Variants in SACS observed in about 807,000 individuals in gnomAD.
SACS encodes the protein sacsin molecular chaperone.
In SACS, 197 loss-of-function variants were observed where a neutral mutation model predicts 348.0. The ratio of observed to expected loss-of-function variants is 0.57; its 90% CI spans 0.50 to 0.64. The LOEUF is 0.64. Among genes scored for constraint, SACS ranks in the 30% least tolerant of loss-of-function variants. SACS has a pLI of 0.00. For missense variants in SACS, 4,999 were observed against 5,360.8 expected (o/e 0.93, Z 2.11); for synonymous variants, 1,985 against 1,910.6 (o/e 1.04, Z -1.02).
chr13:23,344,724 CAG>C (rs1417844081), intron 9 of SACS, among the ~76,000 whole-genome samples: 5 of 152,270 alleles, frequency 3.3e-5, no homozygotes, highest in African/African-American at 9.6e-5. Context: ...AGCACTGTCT[CAG>C]AGGTTAGCTA....
At position 23,409,040 on chromosome 13, in the gene SACS, C is replaced by CTTTTTTTT. The variant is rs1175897856; in HGVS notation, c.20+2172_20+2179dup. ...TATGGTCTTAATAAAACAAGTTTTA[C>CTTTTTTTT]TTTTTTTTTTTTTTTTTTTTTTTTT... On this transcript the variant is annotated intron_variant, in intron 2 of 9. Transcript: ENST00000382292. Among the ~76,000 whole-genome samples the CTTTTTTTT allele has an allele frequency of 4.3e-4, 15 of 35,148 alleles. 4 individuals are homozygous for CTTTTTTTT. Among genetic ancestry groups the CTTTTTTTT allele is most frequent in the Non-Finnish European group, 5.9e-4 (12 of 20,388 alleles). The allele number at this position is 35,148 out of a possible 152,430, so 23.1% of individuals were successfully genotyped here.
Position 23,338,703 on chromosome 13 carries a change from T to C in SACS, c.5173A>G (p.Asn1725Asp), listed in dbSNP as rs1381667198. The C allele has an allele frequency of 1.9e-6, 3 of 1,611,990 alleles. No homozygotes were observed. The Admixed American group carries it at 5.0e-5, about 27-fold the overall frequency. ...KKKSCSSKAL[N>D]TPVLSVLKEA... ...TTTAAAACACTTAAGACAGGTGTGT[T>C]CAATGCTTTGGAAGAGCAGGATTTT... The change falls in exon 10 of 10, where the codon AAC becomes GAC. Residue 1725 changes from asparagine to aspartate, a missense_variant. Around this residue, in one of 6 missense-constraint regions of SACS, gnomAD observed 3,156 missense variants for 3,380.1 expected, o/e 0.93. Transcript: ENST00000382292.
In SACS at chr13:23,340,752, T is replaced by C; in HGVS notation, c.3124A>G (p.Ile1042Val). The C allele has an allele frequency of 1.2e-6, 2 of 1,604,780 alleles. No homozygotes were observed. The highest frequency in any genetic ancestry group is 2.2e-5 in the East Asian group (1 of 44,810). The change falls in exon 10 of 10, where the codon ATA becomes GTA. Residue 1042 changes from isoleucine (I) to valine (V), a missense_variant. Coordinates refer to ENST00000382292, the MANE Select transcript of SACS (RefSeq NM_014363.6). ...EWLTPLKFIQ[I>V]SQEQMVSAGE... ...GCTGATACCATCTGTTCCTGTGATA[T>C]CTGGATGAATTTTAATGGTGTTAAC...
At chr13:23,371,498 C>T (rs1451615954) in intron 3 of SACS, among the ~76,000 whole-genome samples, 1 of 152,050 alleles carries the variant, frequency 6.6e-6, no homozygotes, top group African/African-American at 2.4e-5. Context: ...AAGTGTATTG[C>T]TCATAACAGA....
Position 23,337,780 on chromosome 13 carries a change from C to A in SACS, c.6096G>T (p.Ser2032=), listed in dbSNP as rs756027210. ...KNLCAVELPS[S]VKLGFEEAGC... ...CAGCTTCTTCAAATCCTAATTTTAC[C>A]GAAGAAGGAAGTTCAACAGCACAAA... The change falls in exon 10 of 10, where the codon TCG becomes TCT. Residue 2032 remains serine, a synonymous_variant. Coordinates refer to ENST00000382292, the MANE Select transcript of SACS (RefSeq NM_014363.6). 6.2e-7 allele frequency: 1 copy of A among 1,613,780 alleles called. No homozygotes were observed. Among genetic ancestry groups the A allele is most frequent in the Non-Finnish European group, 8.5e-7 (1 of 1,179,898 alleles).
Position 23,336,036 on chromosome 13 carries a change from CCT to C in SACS, c.7838_7839del (p.Glu2613GlyfsTer5). ...TACTGTCCAGTTTTATAAGGATTTC[CCT>C]CTTTCGTGCCTTTTCCAAGATTCTG... ...GIQNLGKGTK[E>X]GNPYKTGQYG... On this transcript the variant is annotated frameshift_variant, in exon 10 of 10. Coordinates refer to ENST00000382292, the MANE Select transcript of SACS (RefSeq NM_014363.6). LOFTEE classifies it high-confidence loss of function. 6.2e-7 allele frequency: 1 copy of C among 1,612,322 alleles called. No individual in the cohort carries two copies. The highest frequency in any genetic ancestry group is 8.5e-7 in the Non-Finnish European group (1 of 1,178,566).
intron 2 of SACS, among the ~76,000 whole-genome samples, chr13:23,407,495 G>A (rs756081432): frequency 7.9e-5 from 12 of 152,148 alleles, no homozygotes; most frequent in African/African-American, 1.7e-4. Context: ...CACCACGCCC[G>A]GCCTGTTTTT....
Position 23,341,085 on chromosome 13 carries a change from T to A in SACS, c.2791A>T (p.Asn931Tyr), listed in dbSNP as rs190383030. ...IQELAIFKRINHSSDQGISSY... is the reference protein window; with the variant it reads ...IQELAIFKRIYHSSDQGISSY... Reference sequence around the variant, plus strand: ...GAAATTCCCTGATCAGAAGAATGGTTAATGCGCTTGAATATTGCCAATTCT... The same window carrying A: ...GAAATTCCCTGATCAGAAGAATGGTAAATGCGCTTGAATATTGCCAATTCT... Residue 931 changes from asparagine (N) to tyrosine (Y), a missense_variant, in exon 10 of 10, where the codon AAC (asparagine) becomes TAC (tyrosine). Coordinates refer to ENST00000382292, the MANE Select transcript of SACS (RefSeq NM_014363.6). 31 of 1,614,062 alleles carry A rather than the reference T, an allele frequency of 1.9e-5. No homozygotes were observed. In the East Asian group the frequency reaches 6.5e-4, roughly 34 times the overall value.
intron 1 of SACS, among the ~76,000 whole-genome samples, chr13:23,420,470 G>A (rs1222934281): frequency 6.6e-6 from 1 of 152,014 alleles, no homozygotes; most frequent in Non-Finnish European, 1.5e-5. Context: ...ATGTCCACCT[G>A]TGGCCCAATG....
Position 23,341,425 on chromosome 13 carries a change from G to A in SACS, c.2451C>T (p.Leu817=), listed in dbSNP as rs756595744. 2.6e-5 allele frequency: 42 copies of A among 1,613,798 alleles called. No individual in the cohort carries two copies. In the Admixed American group the frequency reaches 7.0e-4, roughly 27 times the overall value. ...CTAACGATGGAATCCTGAGTCTAATGAGTTCCACACATGTCTGACCTTCCT... is the reference window on the plus strand; with the variant it reads ...CTAACGATGGAATCCTGAGTCTAATAAGTTCCACACATGTCTGACCTTCCT... ...ILEEGQTCVE[L]IRLRIPSLVI... is the part of the protein sequence containing the mutation. Residue 817 remains leucine (L), a synonymous_variant, in exon 10 of 10, where the codon CTC becomes CTT. Coordinates refer to ENST00000382292, the MANE Select transcript of SACS (RefSeq NM_014363.6).
chr13:23,429,550 A>C (rs1256871318), intron 1 of SACS, among the ~76,000 whole-genome samples: 2 of 151,586 alleles, frequency 1.3e-5, no homozygotes, highest in African/African-American at 2.4e-5. Flanking sequence ...TTTTTAGTAG[A>C]GACGGGGTTT....
chr13:23,381,355 G>GCGCA lies in SACS; in HGVS notation c.21-6087_21-6086insTGCG, dbSNP rs143375673. On this transcript the variant is annotated intron_variant, in intron 2 of 9. Coordinates refer to ENST00000382292, the MANE Select transcript of SACS (RefSeq NM_014363.6). ...TCTGGCTGGACATGGGCAGCACGAA[G>GCGCA]CACACACACACACACACACACACAC... is the stretch of plus-strand genomic sequence containing the variant. 8.5e-3 allele frequency among the ~76,000 whole-genome samples: 1,197 copies of GCGCA among 140,074 alleles called. 12 individuals carry two copies. Among genetic ancestry groups the GCGCA allele is most frequent in the Admixed American group, 0.012 (168 of 14,002 alleles). The allele number at this position is 140,074 out of a possible 152,430, so 91.9% of individuals were successfully genotyped here.
intron 9 of SACS, among the ~76,000 whole-genome samples, chr13:23,349,395 A>G (rs1359028428): frequency 6.6e-6 from 1 of 152,232 alleles, no homozygotes; most frequent in South Asian, 2.1e-4. Context: ...GATGAAGACT[A>G]AAGTTTTGCA....
In SACS at chr13:23,387,302, C is replaced by T. The variant is rs1872331078; in HGVS notation, c.21-12033G>A. Among the ~76,000 whole-genome samples the T allele has an allele frequency of 4.0e-5, 6 of 151,812 alleles. No homozygotes were observed. In the South Asian group the frequency reaches 1.2e-3, roughly 32 times the overall value. On this transcript the variant is annotated intron_variant, in intron 2 of 9. Transcript: ENST00000382292. ...GTGAAACCCAGTCTCTACTAAAAAA[C>T]ACAAAAAAAATTAGCCGGGCATGGC...
intron 1 of SACS, among the ~76,000 whole-genome samples, chr13:23,430,350 C>G (rs1358425134): frequency 6.6e-6 from 1 of 152,098 alleles, no homozygotes; most frequent in African/African-American, 2.4e-5. Context: ...TATCATTGAT[C>G]AAGTAAAGCT....
At position 23,330,883 on chromosome 13, in the gene SACS, C is replaced by T. The variant is rs1401457305; in HGVS notation, c.12993G>A (p.Arg4331=). ...TGTCAGGATGCCATTTCAAATACAA[C>T]CGCCTAATAATCTTTTTTCGTTCCG... ...PESERKKIIR[R]LYLKWHPDKN... is the part of the protein sequence containing the mutation. Residue 4331 remains arginine, a synonymous_variant, in exon 10 of 10, where the codon CGG becomes CGA. Transcript: ENST00000382292. 1.2e-6 allele frequency: 2 copies of T among 1,613,978 alleles called. No individual in the cohort carries two copies. Among genetic ancestry groups the T allele is most frequent in the Non-Finnish European group, 1.7e-6 (2 of 1,180,040 alleles).
At chr13:23,430,554 G>A (rs748338732) in intron 1 of SACS, among the ~76,000 whole-genome samples, 17 of 152,018 alleles carry the variant, frequency 1.1e-4, no homozygotes, top group Admixed American at 2.0e-4. Flanking sequence ...TTAAAAACAA[G>A]GAAAAAGGCT....
At chr13:23,379,522 C>G (rs991049010) in intron 2 of SACS, among the ~76,000 whole-genome samples, 2 of 152,178 alleles carry the variant, frequency 1.3e-5, no homozygotes, top group African/African-American at 2.4e-5. Context: ...AGGGAGCAGG[C>G]AAAGGGATTC....
chr13:23,375,399 C>G, intron 2 of SACS, 130 bp from the exon 3 acceptor site: 1 of 1,233,418 alleles, frequency 8.1e-7, no homozygotes, highest in Non-Finnish European at 1.0e-6. Context: ...CCGCCCCTGA[C>G]GCCGGCGCCC....
Sources: gnomAD v4.1 joint callset for allele counts (sites outside exome capture counted in the v4.1 genomes callset) on GRCh38, gnomAD v4.1.1 for gene constraint, gnomAD v4.1.1 regional missense constraint, MANE v1.5 for transcripts, NCBI Gene and HGNC (gene_info 2026-07-23, HGNC 2026-07-21) for gene names.